Variants in FIGN observed in about 807,000 individuals in gnomAD.
FIGN encodes fidgetin.
In FIGN, 11 loss-of-function variants were observed where a neutral mutation model predicts 51.3. That is an observed-to-expected ratio of 0.21 (90% CI 0.13 to 0.35). The LOEUF is 0.35. Ranked by LOEUF, FIGN falls within the 10% of genes least tolerant of loss-of-function variation. The pLI is 1.00. For missense variants in FIGN, 857 were observed against 943.6 expected (o/e 0.91, Z 1.20); for synonymous variants, 407 against 363.2 (o/e 1.12, Z -1.37).
chr2:163,706,109 A>T (rs938702291), intron 2 of FIGN, among the ~76,000 whole-genome samples: 3 of 152,138 alleles, frequency 2.0e-5, no homozygotes, highest in African/African-American at 7.2e-5. Flanking sequence ...TGCATATTAC[A>T]TATAGGTTAC....
chr2:163,716,977 C>T (rs1458350575), intron 2 of FIGN, among the ~76,000 whole-genome samples: 1 of 152,110 alleles, frequency 6.6e-6, no homozygotes, highest in Non-Finnish European at 1.5e-5. Context: ...TACTACCCAG[C>T]ACTTGAATAT....
At chr2:163,726,770 T>C (rs1684844091) in intron 2 of FIGN, among the ~76,000 whole-genome samples, 1 of 152,116 alleles carries the variant, frequency 6.6e-6, no homozygotes, top group African/African-American at 2.4e-5. Flanking sequence ...ATGTAATTCC[T>C]AGCAGTAAAA....
chr2:163,695,826 G>A (rs1684309587), intron 2 of FIGN, among the ~76,000 whole-genome samples: 1 of 152,138 alleles, frequency 6.6e-6, no homozygotes, highest in Admixed American at 6.5e-5. Flanking sequence ...AAAATAGCAC[G>A]GCCAGGCACA....
Position 163,611,454 on chromosome 2 carries a change from A to G in FIGN, c.378T>C (p.Asp126=), listed in dbSNP as rs1414265460. The G allele has an allele frequency of 6.2e-7, 1 of 1,614,192 alleles. No homozygotes were observed. The highest frequency in any genetic ancestry group is 8.5e-7 in the Non-Finnish European group (1 of 1,180,020). ...EAVYPMNCVP[D]VITASKAGVS... ...CTCCAGCTTTGCTGGCAGTGATAAC[A>G]TCCGGAACACAGTTCATGGGATAAA... The change falls in exon 3 of 3, where the codon GAT becomes GAC. Residue 126 remains aspartate (D), a synonymous_variant. Coordinates refer to ENST00000333129, the MANE Select transcript of FIGN (RefSeq NM_018086.4).
intron 2 of FIGN, among the ~76,000 whole-genome samples, chr2:163,648,172 C>G (rs913914204): frequency 1.3e-5 from 2 of 151,998 alleles, no homozygotes; most frequent in African/African-American, 4.8e-5. Context: ...TGCACCCCCA[C>G]CCTTCCACAA....
intron 2 of FIGN, among the ~76,000 whole-genome samples, chr2:163,704,625 T>TTCTCTCTCTC (rs751888499): frequency 0.048 from 1,724 of 36,012 alleles, 66 homozygotes; most frequent in East Asian, 0.08. Context: ...GTCTCTCTCT[T>TTCTCTCTCTC]TCTCTCTCTC....
In FIGN at chr2:163,610,130, G is replaced by A. The variant is rs1301287532; in HGVS notation, c.1702C>T (p.His568Tyr). The A allele has an allele frequency of 6.2e-7, 1 of 1,614,100 alleles. No individual in the cohort carries two copies. Among genetic ancestry groups the A allele is most frequent in the East Asian group, 2.2e-5 (1 of 44,858 alleles). The change falls in exon 3 of 3, where the codon CAT becomes TAT. Residue 568 changes from histidine to tyrosine, a missense_variant. Transcript: ENST00000333129. ...KWLGEAEKII[H>Y]ASFLVARCRQ... is the part of the protein sequence containing the mutation. ...CACCTGGCCACAAGAAAAGAGGCAT[G>A]GATAATTTTCTCTGCTTCTCCTAAC... is the stretch of plus-strand genomic sequence containing the variant.
chr2:163,730,299 A>C (rs542735292), intron 2 of FIGN, among the ~76,000 whole-genome samples: 101 of 152,360 alleles, frequency 6.6e-4, no homozygotes, highest in Non-Finnish European at 9.9e-4. Flanking sequence ...ATCATACCAA[A>C]GCAGCTATGC....
In FIGN at chr2:163,661,808, G is replaced by T. The variant is rs544168902; in HGVS notation, c.26-50002C>A. On this transcript the variant is annotated intron_variant, in intron 2 of 2. Coordinates refer to ENST00000333129, the MANE Select transcript of FIGN (RefSeq NM_018086.4). ...TTTTCTTCTTCCTCATTTTTCTCTT[G>T]CTGCCACCATGTAAGAAGTGCCTTT... Among the ~76,000 whole-genome samples, 77 of 152,130 alleles carry T rather than the reference G, an allele frequency of 5.1e-4. No individual in the cohort carries two copies. In the East Asian group the frequency reaches 0.011, roughly 21 times the overall value.
chr2:163,729,037 C>A (rs1314849720), intron 2 of FIGN, among the ~76,000 whole-genome samples: 1 of 151,978 alleles, frequency 6.6e-6, no homozygotes, highest in Non-Finnish European at 1.5e-5. Context: ...TTACTATTTC[C>A]AAGAATAATA....
At chr2:163,672,191 AT>A (rs1683887216) in intron 2 of FIGN, among the ~76,000 whole-genome samples, 2 of 151,930 alleles carry the variant, frequency 1.3e-5, no homozygotes, top group Admixed American at 1.3e-4. Flanking sequence ...TCATTCTTCA[AT>A]CACAATGTAG....
intron 2 of FIGN, among the ~76,000 whole-genome samples, chr2:163,636,824 A>G (rs909477372): frequency 6.6e-6 from 1 of 152,078 alleles, no homozygotes; most frequent in Non-Finnish European, 1.5e-5. Context: ...ATAAAATAAG[A>G]TATTAAGAAA....
At chr2:163,666,575 C>G (rs1683777206) in intron 2 of FIGN, among the ~76,000 whole-genome samples, 1 of 152,144 alleles carries the variant, frequency 6.6e-6, no homozygotes, top group African/African-American at 2.4e-5. Context: ...ATTTTCTCAA[C>G]TGACACTGAG....
chr2:163,662,581 G>C (rs892522104), intron 2 of FIGN, among the ~76,000 whole-genome samples: 1 of 152,198 alleles, frequency 6.6e-6, no homozygotes, highest in Non-Finnish European at 1.5e-5. Flanking sequence ...CACAGGCCCA[G>C]AGGCTGAAGA....
chr2:163,688,196 C>T (rs1452420087), intron 2 of FIGN, among the ~76,000 whole-genome samples: 2 of 152,134 alleles, frequency 1.3e-5, no homozygotes, highest in African/African-American at 4.8e-5. Flanking sequence ...ATAAAAGATA[C>T]TCTGTGTAAA....
At chr2:163,709,551 C>A (rs1482371493) in intron 2 of FIGN, among the ~76,000 whole-genome samples, 1 of 151,936 alleles carries the variant, frequency 6.6e-6, no homozygotes, top group Admixed American at 6.6e-5. Context: ...GACTTTTTTT[C>A]TTCTCCTTTG....
intron 2 of FIGN, among the ~76,000 whole-genome samples, chr2:163,700,185 G>A (rs1402897341): frequency 1.3e-5 from 2 of 152,130 alleles, no homozygotes; most frequent in Non-Finnish European, 2.9e-5. Flanking sequence ...TAGTTATAAC[G>A]CTGGAGGAAC....
chr2:163,687,334 G>GT (rs1219164536), intron 2 of FIGN, among the ~76,000 whole-genome samples: 1 of 152,158 alleles, frequency 6.6e-6, no homozygotes, highest in Non-Finnish European at 1.5e-5. Flanking sequence ...AGAAGAAATG[G>GT]TAACAGAAAG....
At chr2:163,643,313 T>C (rs936170064) in intron 2 of FIGN, among the ~76,000 whole-genome samples, 1 of 152,118 alleles carries the variant, frequency 6.6e-6, no homozygotes, top group Admixed American at 6.5e-5. Context: ...ATAGGACAAG[T>C]AGGTAGCAAC....
Sources: allele counts gnomAD v4.1 joint callset (sites outside exome capture counted in the v4.1 genomes callset), GRCh38; gene constraint gnomAD v4.1.1; transcripts MANE v1.5; gene names NCBI Gene and HGNC (gene_info 2026-07-23, HGNC 2026-07-21).